The following ATG2B variants were observed in gnomAD, a reference collection of about 807,000 sequenced individuals.
The protein encoded by ATG2B is autophagy related 2B.
A neutral mutation model predicts 241.3 loss-of-function variants in ATG2B; 121 were observed. The observed-to-expected ratio is 0.50, with a 90% CI of 0.43 to 0.58. The LOEUF (loss-of-function observed/expected upper bound fraction) is 0.58, where lower values mean the gene tolerates loss of function less well. ATG2B is among the 20% of genes least tolerant of loss of function. ATG2B has a pLI of 0.00. For synonymous variants in ATG2B, 858 were observed against 876.6 expected (o/e 0.98, Z 0.37); for missense variants, 2,306 against 2,491.6 (o/e 0.93, Z 1.59).
At position 96,289,566 on chromosome 14, in the gene ATG2B, G is replaced by A. The variant is rs1234200082; in HGVS notation, c.6006+90C>T. On this transcript the variant is annotated intron_variant, in intron 41 of 41. Coordinates refer to ENST00000359933, the MANE Select transcript of ATG2B (RefSeq NM_018036.7). This position sits in a 1 kb window ranked among gnomAD's most constrained non-coding sequence, Gnocchi z 4.3. Reference sequence around the variant, plus strand: ...CATTCTGCTCCCAGGGATTTCTACAGAATACATTTAAGCCATTAAATGCTC... The same window carrying A: ...CATTCTGCTCCCAGGGATTTCTACAAAATACATTTAAGCCATTAAATGCTC... 1.4e-6 allele frequency: 2 copies of A among 1,475,306 alleles called. No individual in the cohort carries two copies. The highest frequency in any genetic ancestry group is 1.4e-5 in the African/African-American group (1 of 71,240). 91.4% of individuals were successfully genotyped at this position (1,475,306 alleles called of 1,614,324 possible).
chr14:96,313,556 T>C, intron 23 of ATG2B, 121 bp from the exon 24 acceptor site: 1 of 522,310 alleles, frequency 1.9e-6, no homozygotes, highest in Non-Finnish European at 3.3e-6. Context: ...TGGAAAATCA[T>C]AACGGTAAAA....
intron 5 of ATG2B, among the ~76,000 whole-genome samples, chr14:96,342,008 A>T (rs1329457730): frequency 1.3e-5 from 2 of 152,190 alleles, no homozygotes; most frequent in Non-Finnish European, 2.9e-5. Context: ...TGATTTGTAA[A>T]ATAACAAAAA....
chr14:96,322,274 TG>T lies in ATG2B; in HGVS notation c.2737-21del. ...CACCATCTAAAACATAATAGTTCAG[TG>T]CAAAAAAAAAGGCATCCATGTTTAA... On this transcript the variant is annotated intron_variant, in intron 17 of 41. Transcript: ENST00000359933. 6.4e-7 allele frequency: 1 copy of T among 1,571,726 alleles called. No individual in the cohort carries two copies. The highest frequency in any genetic ancestry group is 1.2e-5 in the South Asian group (1 of 82,596).
rs777742162 is a variant in ATG2B, at chr14:96,323,901, CCAGT to C, written c.2531_2534del (p.Asp844GlyfsTer6). 5.6e-6 allele frequency: 9 copies of C among 1,602,890 alleles called. No individual in the cohort carries two copies. The highest frequency in any genetic ancestry group is 1.3e-5 in the African/African-American group (1 of 74,342). ...CTATGCATTTGCTTACTCACCGTGG[CCAGT>C]CAAAGTCATCTGACGATGTTGTATC... On this transcript the variant is annotated frameshift_variant, in exon 16 of 42. Coordinates refer to ENST00000359933, the MANE Select transcript of ATG2B (RefSeq NM_018036.7). LOFTEE classifies it high-confidence loss of function.
chr14:96,308,260 A>ATTTTTT (rs1887037124), intron 29 of ATG2B, among the ~76,000 whole-genome samples: 1 of 17,240 alleles, frequency 5.8e-5, no homozygotes, highest in Non-Finnish European at 1.2e-4. Context: ...ATACACACAT[A>ATTTTTT]TATATATATA....
chr14:96,309,493 G>C lies in ATG2B; in HGVS notation c.4263C>G (p.Asp1421Glu). 2 of 1,614,020 alleles carry C rather than the reference G, an allele frequency of 1.2e-6. No homozygotes were observed. The highest frequency in any genetic ancestry group is 8.5e-7 in the Non-Finnish European group (1 of 1,179,946). Residue 1421 changes from aspartate to glutamate, a missense_variant, in exon 29 of 42, where the codon GAC (aspartate) becomes GAG (glutamate). Asp to Glu is a conservative substitution (Grantham distance 45). Around this residue, in one of 2 missense-constraint regions of ATG2B, gnomAD observed 1,927 missense variants for 2,011.2 expected, o/e 0.96. Coordinates refer to ENST00000359933, the MANE Select transcript of ATG2B (RefSeq NM_018036.7). ...TTACTGACGAGGTGCCTTGTTGCAT[G>C]TCGATCTCCTCCATAGCATCACTCA... is the stretch of plus-strand genomic sequence containing the variant. Reference protein sequence around the residue: ...DLMSDAMEEIDMQQGTSSVKP... With the variant: ...DLMSDAMEEIEMQQGTSSVKP...
intron 1 of ATG2B, among the ~76,000 whole-genome samples, chr14:96,359,822 G>GATTC (rs1888576487): frequency 6.6e-6 from 1 of 152,174 alleles, no homozygotes; most frequent in East Asian, 1.9e-4. Flanking sequence ...ATTATCAGAT[G>GATTC]ATTCATAAGG....
At chr14:96,360,672 T>C (rs1332807458) in intron 1 of ATG2B, among the ~76,000 whole-genome samples, 3 of 152,194 alleles carry the variant, frequency 2.0e-5, no homozygotes, top group Non-Finnish European at 2.9e-5. Flanking sequence ...TCAACAAAAT[T>C]CTTTGCATAA....
At chr14:96,319,957 C>T (rs924553527) in intron 18 of ATG2B, among the ~76,000 whole-genome samples, 1 of 152,004 alleles carries the variant, frequency 6.6e-6, no homozygotes, top group African/African-American at 2.4e-5. Flanking sequence ...AGTGAGGGAG[C>T]GCTTCAGTAT....
chr14:96,326,043 G>A (rs1169410935), intron 14 of ATG2B, 121 bp from the exon 15 acceptor site: 1 of 965,066 alleles, frequency 1.0e-6, no homozygotes, highest in Non-Finnish European at 1.4e-6. Flanking sequence ...TGCATTAAAA[G>A]TCAATTCAAA....
chr14:96,310,944 T>C (rs925866415), intron 28 of ATG2B, among the ~76,000 whole-genome samples, 173 bp downstream of exon 28: 1 of 151,946 alleles, frequency 6.6e-6, no homozygotes, highest in African/African-American at 2.4e-5. Context: ...AGCAGAATGG[T>C]TTTCCAAAAA....
At chr14:96,355,207 G>C (rs1452982546) in intron 1 of ATG2B, among the ~76,000 whole-genome samples, 1 of 152,092 alleles carries the variant, frequency 6.6e-6, no homozygotes, top group Admixed American at 6.5e-5. Flanking sequence ...TGAAATCTTT[G>C]CCCATGCCTA....
chr14:96,348,306 T>C (rs968582613), intron 1 of ATG2B, among the ~76,000 whole-genome samples: 2 of 152,200 alleles, frequency 1.3e-5, no homozygotes, highest in African/African-American at 4.8e-5. Flanking sequence ...CTCATGGTGA[T>C]AGCAGAAGGA....
chr14:96,304,281 G>A lies in ATG2B; in HGVS notation c.4842+214C>T, dbSNP rs540974875. Among the ~76,000 whole-genome samples the A allele has an allele frequency of 4.6e-5, 7 of 152,296 alleles. No homozygotes were observed. In the South Asian group the frequency reaches 1.4e-3, roughly 32 times the overall value. The stretch of plus-strand genomic sequence containing the variant: ...CAACTGTGAGAACCACCGCTCTAGC[G>A]GTAGCCCAGACAAACAAAAATAAAA... On this transcript the variant is annotated intron_variant, in intron 32 of 41. Transcript: ENST00000359933.
At position 96,306,836 on chromosome 14, in the gene ATG2B, A is replaced by T. The variant is rs1279281281; in HGVS notation, c.4384T>A (p.Ser1462Thr). Residue 1462 changes from serine (S) to threonine (T), a missense_variant, in exon 30 of 42, where the codon TCC becomes ACC. Ser to Thr is a moderately conservative substitution (Grantham distance 58, BLOSUM62 1). Transcript: ENST00000359933. ...FLFPDESGNV[S>T]QESGPTYASF... Reference sequence around the variant, plus strand: ...GCATAGGTGGGGCCGGACTCCTGGGATACATTCCCACTCTCGTCAGGAAAC... The same window carrying T: ...GCATAGGTGGGGCCGGACTCCTGGGTTACATTCCCACTCTCGTCAGGAAAC... The T allele has an allele frequency of 1.9e-6, 3 of 1,614,064 alleles. No homozygotes were observed. The highest frequency in any genetic ancestry group is 2.7e-5 in the African/African-American group (2 of 74,942).
At chr14:96,358,480 GGA>G (rs1311802527) in intron 1 of ATG2B, among the ~76,000 whole-genome samples, 10 of 152,226 alleles carry the variant, frequency 6.6e-5, no homozygotes, top group African/African-American at 2.4e-4. Flanking sequence ...TAACAGTTTT[GGA>G]GAGTCAACAG....
In ATG2B at chr14:96,341,587, G is replaced by A. The variant is rs374146554; in HGVS notation, c.859C>T (p.Arg287Trp). The stretch of plus-strand genomic sequence containing the variant: ...CTCAACTCCAACCTACCAATTAACC[G>A]TCCAATCTGCACTGGGTCAGAAGGT... Reference protein sequence around the residue: ...IAPSDPVQIGRLIGRLELSLT... With the variant: ...IAPSDPVQIGWLIGRLELSLT... Residue 287 changes from arginine (R) to tryptophan (W), a missense_variant, in exon 6 of 42, where the codon CGG becomes TGG. By Grantham distance (101) the Arg-to-Trp change is moderately radical. Around this residue, in one of 2 missense-constraint regions of ATG2B, gnomAD observed 1,927 missense variants for 2,011.2 expected, o/e 0.96. Coordinates refer to ENST00000359933, the MANE Select transcript of ATG2B (RefSeq NM_018036.7). 1.5e-4 allele frequency: 239 copies of A among 1,604,342 alleles called. No individual in the cohort carries two copies. The South Asian group carries it at 1.7e-3, about 11-fold the overall frequency.
intron 14 of ATG2B, among the ~76,000 whole-genome samples, chr14:96,326,375 G>A (rs758423435): frequency 1.3e-5 from 2 of 151,972 alleles, no homozygotes; most frequent in Admixed American, 6.6e-5. Flanking sequence ...AAATACAATC[G>A]CTGACTCAAC....
At chr14:96,308,237 TATATATATATATATACACAC>T (rs1379264901) in intron 29 of ATG2B, among the ~76,000 whole-genome samples, 2,711 of 17,302 alleles carry the variant, frequency 0.16, 180 homozygotes, top group Non-Finnish European at 0.21. Context: ...TATACATATA[TATATATATATATATACACAC>T]ATATATATAT....
Sources: allele counts gnomAD v4.1 joint callset (sites outside exome capture counted in the v4.1 genomes callset), GRCh38; gene constraint gnomAD v4.1.1; regional missense constraint gnomAD v4.1.1; non-coding constraint Gnocchi (gnomAD v3.1); transcripts MANE v1.5; gene names NCBI Gene and HGNC (gene_info 2026-07-23, HGNC 2026-07-21).